The following DNM2 variants were observed in gnomAD, a reference collection of about 807,000 sequenced individuals.
DNM2 encodes dynamin-2.
In DNM2, 15 loss-of-function variants were observed where a neutral mutation model predicts 99.0. The observed-to-expected ratio is 0.15, with a 90% CI of 0.10 to 0.23. The LOEUF is 0.23. Among genes scored for constraint, DNM2 ranks in the 10% least tolerant of loss-of-function variants. The pLI, the probability that DNM2 is intolerant of heterozygous loss-of-function variation, is 1.00. For synonymous variants in DNM2, 525 were observed against 481.2 expected, an observed-to-expected ratio of 1.09 and a Z score of -1.19; for missense variants, 742 against 1,189.4, an observed-to-expected ratio of 0.62 and a Z score of 5.53.
chr19:10,741,932 C>A (rs2069767199), intron 1 of DNM2, among the ~76,000 whole-genome samples: 1 of 149,938 alleles, frequency 6.7e-6, no homozygotes, highest in African/African-American at 2.5e-5. Context: ...TTCCCTCCCT[C>A]CCTTCTTTCC....
chr19:10,729,180 A>AT (rs2069216291), intron 1 of DNM2, among the ~76,000 whole-genome samples: 1 of 125,294 alleles, frequency 8.0e-6, no homozygotes. Context: ...AAAAAAAAAA[A>AT]AAAAAAAAAA....
intron 7 of DNM2, among the ~76,000 whole-genome samples, chr19:10,789,113 G>A (rs1403051629): frequency 1.3e-5 from 2 of 152,144 alleles, no homozygotes; most frequent in Non-Finnish European, 2.9e-5. Context: ...CAGGAGAATC[G>A]CTTGAACCCA....
chr19:10,781,879 C>T (rs1472801531), intron 5 of DNM2: 1 of 152,140 alleles, frequency 6.6e-6, no homozygotes, highest in Non-Finnish European at 1.5e-5. Flanking sequence ...CGTTAACTTT[C>T]AGTTCTACCT....
chr19:10,786,993 A>C (rs554144796), intron 7 of DNM2, among the ~76,000 whole-genome samples: 1 of 152,300 alleles, frequency 6.6e-6, no homozygotes, highest in African/African-American at 2.4e-5. Flanking sequence ...CAAAATATGA[A>C]AGTGGTGCTA....
chr19:10,814,420 C>G (rs996940842), intron 15 of DNM2, among the ~76,000 whole-genome samples: 5 of 150,756 alleles, frequency 3.3e-5, no homozygotes, highest in Admixed American at 6.6e-5. Context: ...GCCAAAATTG[C>G]GCCATTGCAC....
rs2069628446 is a variant in DNM2, at chr19:10,738,834, C to A, written c.161+20431C>A. On this transcript the variant is annotated intron_variant, in intron 1 of 20. Coordinates refer to ENST00000389253, the MANE Select transcript of DNM2 (RefSeq NM_001005361.3). ...GCTGTGAGCTGAGATCGCACCGTTGCACTCCAGCCTGGGCAACAAGAGCAA... is the reference window on the plus strand; with the variant it reads ...GCTGTGAGCTGAGATCGCACCGTTGAACTCCAGCCTGGGCAACAAGAGCAA... Among the ~76,000 whole-genome samples, 6 of 146,940 alleles carry A rather than the reference C, an allele frequency of 4.1e-5. No individual in the cohort carries two copies. The South Asian group carries it at 1.3e-3, about 32-fold the overall frequency.
intron 17 of DNM2, chr19:10,824,347 C>T (rs2073075991): frequency 4.3e-6 from 1 of 232,428 alleles, no homozygotes; most frequent in Admixed American, 5.2e-5. Context: ...ACTAAAACTA[C>T]AAAAATTAGC....
At position 10,796,082 on chromosome 19, in the gene DNM2, C is replaced by T. The variant is rs563985581; in HGVS notation, c.1196+643C>T. 7.7e-5 allele frequency: 125 copies of T among 1,613,904 alleles called. No homozygotes were observed. The South Asian group carries it at 1.3e-3, about 16-fold the overall frequency. On this transcript the variant is annotated intron_variant, in intron 9 of 20. Coordinates refer to ENST00000389253, the MANE Select transcript of DNM2 (RefSeq NM_001005361.3). This position sits in a 1 kb window ranked among gnomAD's most constrained non-coding sequence, Gnocchi z 5.6. ...TCAGGACCGGGCTTTTCACCCCGGA[C>T]TTGGCATTCGAGGCCATTGTGAAAA...
intron 1 of DNM2, among the ~76,000 whole-genome samples, chr19:10,750,956 TA>T (rs1258396984): frequency 6.6e-6 from 1 of 151,646 alleles, no homozygotes; most frequent in Admixed American, 6.6e-5. Context: ...GTGCCAGCCC[TA>T]CTCTATGCTT....
Position 10,793,861 on chromosome 19 carries a change from GC to G in DNM2, c.1128+12del. The G allele has an allele frequency of 1.2e-6, 2 of 1,614,096 alleles. No homozygotes were observed. The highest frequency in any genetic ancestry group is 8.5e-7 in the Non-Finnish European group (1 of 1,180,010). ...TCCCATTTGAGCTGGTGAAGGTAGT[GC>G]CCCCCGGGGCTGGGCCCTCCCGTCT... is the stretch of plus-strand genomic sequence containing the variant. On this transcript the variant is annotated splice_region_variant and intron_variant, in intron 8 of 20. Transcript: ENST00000389253.
At position 10,773,993 on chromosome 19, in the gene DNM2, A is replaced by G. The variant is rs142776837; in HGVS notation, c.385+1365A>G. On this transcript the variant is annotated intron_variant, in intron 3 of 20. Coordinates refer to ENST00000389253, the MANE Select transcript of DNM2 (RefSeq NM_001005361.3). Reference sequence around the variant, plus strand: ...CTCTGGCCCAGAGGCACAGATTGCTACCATGATGGGTTCCTTGCGATAAGT... The same window carrying G: ...CTCTGGCCCAGAGGCACAGATTGCTGCCATGATGGGTTCCTTGCGATAAGT... Among the ~76,000 whole-genome samples, 489 of 152,348 alleles carry G rather than the reference A, an allele frequency of 3.2e-3. 1 individual carries two copies. The highest frequency in any genetic ancestry group is 0.011 in the African/African-American group (474 of 41,582).
At chr19:10,810,748 C>G (rs1274428841) in intron 14 of DNM2, 1 of 152,350 alleles carries the variant, frequency 6.6e-6, no homozygotes, top group African/African-American at 2.4e-5. Flanking sequence ...TGTTTTCCCT[C>G]ACCTGGTTGT....
chr19:10,808,786 C>A, intron 14 of DNM2: 2 of 514,486 alleles, frequency 3.9e-6, no homozygotes, highest in Non-Finnish European at 6.7e-6. Flanking sequence ...ACTAACTGGA[C>A]CGCCACCCTT....
At position 10,812,392 on chromosome 19, in the gene DNM2, G is replaced by A; in HGVS notation, c.1671+15G>A. On this transcript the variant is annotated intron_variant, in intron 15 of 20. Transcript: ENST00000389253. This position sits in a 1 kb window ranked among gnomAD's most constrained non-coding sequence, Gnocchi z 4.0. ...AGGATGAGGAGGTGAGTGGCAGGCG[G>A]GAGCAGGGCTGCTGGGGTAGGTGGG... is the stretch of plus-strand genomic sequence containing the variant. 1.9e-6 allele frequency: 3 copies of A among 1,591,210 alleles called. No individual in the cohort carries two copies. Among genetic ancestry groups the A allele is most frequent in the Non-Finnish European group, 1.7e-6 (2 of 1,167,866 alleles).
At chr19:10,771,976 C>T (rs1034890536) in intron 2 of DNM2, among the ~76,000 whole-genome samples, 1 of 152,120 alleles carries the variant, frequency 6.6e-6, no homozygotes, top group Admixed American at 6.6e-5. Context: ...ACCCCCGCCT[C>T]CCCCAAGACC....
chr19:10,761,905 AC>A (rs1308618313), intron 2 of DNM2, among the ~76,000 whole-genome samples: 1 of 152,188 alleles, frequency 6.6e-6, no homozygotes, highest in Non-Finnish European at 1.5e-5. Context: ...ATGGGCTGCC[AC>A]CTCTGGGTTC....
At chr19:10,825,999 C>T (rs1421741726) in intron 18 of DNM2, among the ~76,000 whole-genome samples, 1 of 152,082 alleles carries the variant, frequency 6.6e-6, no homozygotes, top group African/African-American at 2.4e-5. Flanking sequence ...CATGCCACTG[C>T]ACTCCAGCCT....
At position 10,823,808 on chromosome 19, in the gene DNM2, G is replaced by A. The variant is rs758696933; in HGVS notation, c.1802G>A (p.Arg601Gln). The A allele has an allele frequency of 1.2e-6, 2 of 1,613,608 alleles. No homozygotes were observed. ...TEQRNVYKDL[R>Q]QIELACDSQE... ...CGCAGAAACGTCTACAAGGACCTGC[G>A]GCAGATCGAGCTGGCCTGTGACTCC... Residue 601 changes from arginine (R) to glutamine (Q), a missense_variant, in exon 17 of 21, where the codon CGG becomes CAG. Arg to Gln is a conservative substitution (Grantham distance 43, BLOSUM62 1). Coordinates refer to ENST00000389253, the MANE Select transcript of DNM2 (RefSeq NM_001005361.3).
chr19:10,748,835 G>A (rs904988141), intron 1 of DNM2, among the ~76,000 whole-genome samples: 1 of 152,216 alleles, frequency 6.6e-6, no homozygotes, highest in African/African-American at 2.4e-5. Context: ...CCGAGATGGG[G>A]TTAGAGACAG....
Sources: allele counts gnomAD v4.1 joint callset (sites outside exome capture counted in the v4.1 genomes callset), GRCh38; gene constraint gnomAD v4.1.1; non-coding constraint Gnocchi (gnomAD v3.1); transcripts MANE v1.5; gene names NCBI Gene and HGNC (gene_info 2026-07-23, HGNC 2026-07-21).